The following FOXP2 variants were observed in gnomAD, a reference collection of about 807,000 sequenced individuals.
The protein encoded by FOXP2 is forkhead box P2, also known as forkhead box protein P2.
FOXP2 carries 12 observed loss-of-function variants against 115.8 expected under a neutral mutation model. The observed-to-expected ratio is 0.10, with a 90% CI of 0.07 to 0.17. The LOEUF (loss-of-function observed/expected upper bound fraction) is 0.17. FOXP2 is among the 10% of genes least tolerant of loss of function. The pLI is 1.00. For synonymous variants in FOXP2, 328 were observed against 297.7 expected (o/e 1.10, Z -1.05); for missense variants, 629 against 843.5 (o/e 0.75, Z 3.15).
chr7:114,172,952 C>T (rs1220870855), intron 1 of FOXP2, among the ~76,000 whole-genome samples: 5 of 151,916 alleles, frequency 3.3e-5, no homozygotes, highest in Non-Finnish European at 7.4e-5. Context: ...AGATGAGGAC[C>T]TGTCTATTTC....
intron 16 of FOXP2, among the ~76,000 whole-genome samples, chr7:114,684,117 C>T (rs1808235534): frequency 6.6e-6 from 1 of 152,128 alleles, no homozygotes; most frequent in Non-Finnish European, 1.5e-5. Flanking sequence ...CTCAGCCTCC[C>T]AAGTAGCTGG....
At chr7:114,240,218 G>A (rs1302202514) in intron 1 of FOXP2, among the ~76,000 whole-genome samples, 1 of 152,072 alleles carries the variant, frequency 6.6e-6, no homozygotes, top group Non-Finnish European at 1.5e-5. Context: ...TCACCTTTTT[G>A]TTGGTTGGGG....
intron 1 of FOXP2, among the ~76,000 whole-genome samples, chr7:114,106,309 G>C (rs1791114073): frequency 6.6e-6 from 1 of 151,022 alleles, no homozygotes; most frequent in African/African-American, 2.4e-5. Context: ...TCCCTTTAGT[G>C]ATAACTAGGG....
At chr7:114,369,460 C>T (rs904279533) in intron 2 of FOXP2, among the ~76,000 whole-genome samples, 4 of 152,006 alleles carry the variant, frequency 2.6e-5, no homozygotes, top group Non-Finnish European at 2.9e-5. Context: ...ATGCTGAATC[C>T]ATGTTTACCA....
At chr7:114,624,833 T>C (rs1221547760) in intron 3 of FOXP2, among the ~76,000 whole-genome samples, 1 of 151,538 alleles carries the variant, frequency 6.6e-6, no homozygotes, top group African/African-American at 2.4e-5. Context: ...ATTTATGTCA[T>C]AACTAAATAT....
intron 2 of FOXP2, among the ~76,000 whole-genome samples, chr7:114,530,027 T>A (rs1056207804): frequency 6.6e-6 from 1 of 151,964 alleles, no homozygotes; most frequent in Non-Finnish European, 1.5e-5. Flanking sequence ...GGTTAAACTA[T>A]ATGAATATGA....
chr7:114,418,762 T>G (rs1326616884), intron 1 of FOXP2, among the ~76,000 whole-genome samples: 1 of 151,836 alleles, frequency 6.6e-6, no homozygotes, highest in East Asian at 1.9e-4. Context: ...ATCTTTCATG[T>G]TTAGTTAAAC....
intron 2 of FOXP2, among the ~76,000 whole-genome samples, chr7:114,375,449 A>G (rs1348232226): frequency 6.6e-6 from 1 of 152,174 alleles, no homozygotes; most frequent in Non-Finnish European, 1.5e-5. Flanking sequence ...ACAAAATAAC[A>G]GTGGCTTATC....
chr7:114,256,468 T>G (rs1795616453), intron 1 of FOXP2, among the ~76,000 whole-genome samples: 1 of 152,160 alleles, frequency 6.6e-6, no homozygotes, highest in Non-Finnish European at 1.5e-5. Flanking sequence ...GTTGAGCTTT[T>G]TTTCCTGTTT....
chr7:114,446,066 A>G (rs1794824476), intron 2 of FOXP2, among the ~76,000 whole-genome samples: 2 of 127,250 alleles, frequency 1.6e-5, no homozygotes. Context: ...TAATATTAAA[A>G]AGATATCATA....
At chr7:114,163,821 T>C (rs944144062) in intron 1 of FOXP2, among the ~76,000 whole-genome samples, 3 of 152,206 alleles carry the variant, frequency 2.0e-5, no homozygotes, top group Non-Finnish European at 2.9e-5. Context: ...GCATCATCCT[T>C]ATGATAATGT....
intron 2 of FOXP2, among the ~76,000 whole-genome samples, chr7:114,307,792 G>A (rs899742100): frequency 5.3e-5 from 8 of 152,170 alleles, no homozygotes; most frequent in African/African-American, 1.4e-4. Context: ...GGGAGAGGAT[G>A]TTTAGGAGTT....
chr7:114,412,703 CTG>C (rs1192572481), upstream of FOXP2, among the ~76,000 whole-genome samples: 1 of 152,114 alleles, frequency 6.6e-6, no homozygotes, highest in Non-Finnish European at 1.5e-5. Context: ...CTGTGTGAAA[CTG>C]TTGCCTACAG....
intron 2 of FOXP2, among the ~76,000 whole-genome samples, chr7:114,364,437 C>T (rs991886342): frequency 2.6e-5 from 4 of 152,104 alleles, no homozygotes; most frequent in Non-Finnish European, 5.9e-5. Context: ...GGTGCAAATT[C>T]GTCACCATAG....
At chr7:114,538,749 A>G (rs1331708408) in intron 3 of FOXP2, among the ~76,000 whole-genome samples, 1 of 151,728 alleles carries the variant, frequency 6.6e-6, no homozygotes, top group Non-Finnish European at 1.5e-5. Context: ...AGGATTGGGT[A>G]TATCTTGTTG....
intron 1 of FOXP2, among the ~76,000 whole-genome samples, chr7:114,185,058 T>A (rs1793556483): frequency 6.6e-6 from 1 of 152,174 alleles, no homozygotes; most frequent in African/African-American, 2.4e-5. Flanking sequence ...TACCTAGATT[T>A]AAAGAAACAT....
At position 114,346,247 on chromosome 7, in the gene FOXP2, A is replaced by C. The variant is rs773412754; in HGVS notation, c.-11+58138A>C. Among the ~76,000 whole-genome samples, 4 of 151,816 alleles carry C rather than the reference A, an allele frequency of 2.6e-5. No individual in the cohort carries two copies. The South Asian group carries it at 8.3e-4, about 31-fold the overall frequency. On this transcript the variant is annotated intron_variant, in intron 2 of 17. Transcript: ENST00000634411. Reference sequence around the variant, plus strand: ...TTTTAGAATAATCCTGTTATTTTGTATATAGTCAAAGGAAATGGAATCATC... The same window carrying C: ...TTTTAGAATAATCCTGTTATTTTGTCTATAGTCAAAGGAAATGGAATCATC...
At chr7:114,516,710 T>C in intron 2 of FOXP2, among the ~76,000 whole-genome samples, 1 of 152,016 alleles carries the variant, frequency 6.6e-6, no homozygotes, top group African/African-American at 2.4e-5. Flanking sequence ...TTTGTTTTTT[T>C]TTTGAGACAG....
chr7:114,138,944 T>C (rs1299280192), intron 1 of FOXP2, among the ~76,000 whole-genome samples: 1 of 152,198 alleles, frequency 6.6e-6, no homozygotes. Flanking sequence ...AGTTAATTTT[T>C]TTAAAGTTAA....
Sources: allele counts gnomAD v4.1 joint callset (sites outside exome capture counted in the v4.1 genomes callset), GRCh38; gene constraint gnomAD v4.1.1; transcripts MANE v1.5; gene names NCBI Gene and HGNC (gene_info 2026-07-23, HGNC 2026-07-21).